PDGFD: variants seen among roughly 807,000 people sequenced by gnomAD.
PDGFD encodes the protein platelet derived growth factor D.
Under a neutral mutation model 44.7 loss-of-function variants are expected in PDGFD, and 30 were observed. The observed-to-expected ratio is 0.67, with a 90% confidence interval of 0.50 to 0.91. PDGFD has a LOEUF of 0.91. Among genes scored for constraint, PDGFD ranks in the 40% least tolerant of loss-of-function variants. The probability of loss-of-function intolerance (pLI) is 0.00; values close to 1 mark genes in which losing one functional copy is unlikely to be tolerated. For missense variants in PDGFD, 445 were observed against 457.8 expected (o/e 0.97, Z 0.25); for synonymous variants, 173 against 168.4 (o/e 1.03, Z -0.21).
chr11:103,973,060 T>C (rs1399983018), intron 3 of PDGFD, among the ~76,000 whole-genome samples: 2 of 151,890 alleles, frequency 1.3e-5, no homozygotes, highest in African/African-American at 4.8e-5. Context: ...AGGGGTAGAC[T>C]AACATGTAAA....
intron 1 of PDGFD, among the ~76,000 whole-genome samples, chr11:104,016,200 T>C (rs1189015133): frequency 2.0e-5 from 3 of 152,176 alleles, no homozygotes; most frequent in Non-Finnish European, 4.4e-5. Context: ...AGGAGGTAGA[T>C]ACTTTCAGGT....
chr11:104,119,873 CAAT>C (rs1356394406), intron 1 of PDGFD, among the ~76,000 whole-genome samples: 2 of 70,460 alleles, frequency 2.8e-5, no homozygotes, highest in East Asian at 4.0e-4. Context: ...TATATATAAT[CAAT>C]TATTATATAG....
intron 1 of PDGFD, among the ~76,000 whole-genome samples, chr11:104,076,193 G>T (rs1006002300): frequency 1.3e-5 from 2 of 152,048 alleles, no homozygotes; most frequent in African/African-American, 4.8e-5. Context: ...CCATGATTAT[G>T]TTTCCTGAAG....
At chr11:103,948,761 A>G (rs61904869) in intron 3 of PDGFD, among the ~76,000 whole-genome samples, 43,452 of 151,940 alleles carry the variant, frequency 0.29, 7,299 homozygotes, top group East Asian at 0.39. Flanking sequence ...CTGGAAGTAC[A>G]TTTGTTAATT....
At chr11:103,972,608 T>C (rs1331275534) in intron 3 of PDGFD, among the ~76,000 whole-genome samples, 1 of 152,182 alleles carries the variant, frequency 6.6e-6, no homozygotes, top group Non-Finnish European at 1.5e-5. Context: ...ATAGAGAGGC[T>C]GATGCATAGT....
intron 1 of PDGFD, among the ~76,000 whole-genome samples, chr11:104,062,846 T>C (rs1591145282): frequency 6.6e-6 from 1 of 152,242 alleles, no homozygotes; most frequent in South Asian, 2.1e-4. Flanking sequence ...TGATCAGATA[T>C]GCAGCCTTCT....
chr11:104,150,564 G>T (rs1436248188), intron 1 of PDGFD, among the ~76,000 whole-genome samples: 2 of 152,162 alleles, frequency 1.3e-5, no homozygotes, highest in African/African-American at 4.8e-5. Context: ...CAGTTCTGGA[G>T]ACTGGAAGTC....
chr11:103,981,851 G>C (rs1175790977), intron 3 of PDGFD, among the ~76,000 whole-genome samples: 1 of 151,830 alleles, frequency 6.6e-6, no homozygotes, highest in South Asian at 2.1e-4. Flanking sequence ...CATGAGGAAG[G>C]CCAGCTCAGC....
intron 1 of PDGFD, among the ~76,000 whole-genome samples, chr11:104,060,544 T>C (rs775654454): frequency 1.7e-4 from 26 of 152,228 alleles, no homozygotes; most frequent in Admixed American, 1.3e-4. Flanking sequence ...ATAGTGCCCA[T>C]TGTTAAATTC....
Position 104,037,656 on chromosome 11 carries a change from C to A in PDGFD, c.125-37401G>T, listed in dbSNP as rs1591133412. 3.1e-6 allele frequency: 5 copies of A among 1,614,034 alleles called. No individual in the cohort carries two copies. In the East Asian group the frequency reaches 1.1e-4, roughly 36 times the overall value. ...AGGCTTGTGCCGAGCGATGTAACAT[C>A]ATGAGGCTGGTGGACCGACGGTGGG... On this transcript the variant is annotated intron_variant, in intron 1 of 6. Coordinates refer to ENST00000393158, the MANE Select transcript of PDGFD (RefSeq NM_025208.5).
In PDGFD at chr11:104,118,733, T is replaced by C. The variant is rs984490894; in HGVS notation, c.124+45071A>G. On this transcript the variant is annotated intron_variant, in intron 1 of 6. Transcript: ENST00000393158. The stretch of plus-strand genomic sequence containing the variant: ...TATATATTATTATGTTATTAATATA[T>C]TAATATATATTATTATATAGTATAT... Among the ~76,000 whole-genome samples, 4 of 118,952 alleles carry C rather than the reference T, an allele frequency of 3.4e-5. 1 individual carries two copies. The highest frequency in any genetic ancestry group is 1.3e-4 in the African/African-American group (4 of 31,278). 78.0% of individuals were successfully genotyped at this position (118,952 alleles called of 152,430 possible). A position where few individuals can be genotyped will look rare whatever the true frequency, so the allele number is the denominator to read the frequency against.
chr11:103,996,957 G>A (rs2134363900), intron 2 of PDGFD, among the ~76,000 whole-genome samples: 1 of 152,286 alleles, frequency 6.6e-6, no homozygotes, highest in East Asian at 1.9e-4. Flanking sequence ...AGAATCCTGG[G>A]ATTCAAGAAG....
chr11:104,062,160 A>G (rs1054419504), intron 1 of PDGFD, among the ~76,000 whole-genome samples: 5 of 152,240 alleles, frequency 3.3e-5, no homozygotes, highest in Non-Finnish European at 7.3e-5. Flanking sequence ...GATAAAGGGT[A>G]GCAACTTCTG....
chr11:104,073,807 T>A (rs1305911388), intron 1 of PDGFD, among the ~76,000 whole-genome samples: 1 of 152,110 alleles, frequency 6.6e-6, no homozygotes, highest in Non-Finnish European at 1.5e-5. Flanking sequence ...GTTACATTGC[T>A]GAGGACTGCA....
chr11:104,120,793 G>A (rs1037214285), intron 1 of PDGFD, among the ~76,000 whole-genome samples: 3 of 151,790 alleles, frequency 2.0e-5, no homozygotes, highest in Non-Finnish European at 4.4e-5. Flanking sequence ...CAACTATTGT[G>A]ATTTTTTTCC....
chr11:104,075,945 C>T (rs544493933), intron 1 of PDGFD, among the ~76,000 whole-genome samples: 1 of 152,298 alleles, frequency 6.6e-6, no homozygotes, highest in African/African-American at 2.4e-5. Context: ...TTTGTGTCTC[C>T]ACCCAAATCT....
At chr11:104,102,494 T>C (rs912734673) in intron 1 of PDGFD, among the ~76,000 whole-genome samples, 2 of 152,174 alleles carry the variant, frequency 1.3e-5, no homozygotes, top group Non-Finnish European at 2.9e-5. Context: ...TGTAAACTAG[T>C]TCAACCATTG....
At chr11:103,915,538 T>A (rs897107611) in intron 6 of PDGFD, among the ~76,000 whole-genome samples, 1 of 152,170 alleles carries the variant, frequency 6.6e-6, no homozygotes, top group Non-Finnish European at 1.5e-5. Context: ...ATAGATTCAG[T>A]GCTACCCCCA....
intron 1 of PDGFD, among the ~76,000 whole-genome samples, chr11:104,141,691 G>A (rs1479862337): frequency 3.3e-5 from 5 of 152,060 alleles, no homozygotes; most frequent in Non-Finnish European, 7.4e-5. Context: ...GTCCCTATAT[G>A]AGTGAAGCTA....
Sources: gnomAD v4.1 joint callset for allele counts (sites outside exome capture counted in the v4.1 genomes callset) on GRCh38, gnomAD v4.1.1 for gene constraint, MANE v1.5 for transcripts, NCBI Gene and HGNC (gene_info 2026-07-23, HGNC 2026-07-21) for gene names.